EIF2AK3: variants seen among roughly 807,000 people sequenced by gnomAD.
EIF2AK3 encodes eukaryotic translation initiation factor 2 alpha kinase 3.
EIF2AK3 carries 50 observed loss-of-function variants against 113.5 expected under a neutral mutation model. The observed-to-expected ratio is 0.44, with a 90% CI of 0.35 to 0.56. The LOEUF (loss-of-function observed/expected upper bound fraction) is 0.56, where lower values mean the gene tolerates loss of function less well. EIF2AK3 is among the 20% of genes least tolerant of loss of function. The pLI is 0.00. For synonymous variants in EIF2AK3, 448 were observed against 495.4 expected, an observed-to-expected ratio of 0.90 and a Z score of 1.27; for missense variants, 1,185 against 1,378.0, an observed-to-expected ratio of 0.86 and a Z score of 2.22.
chr2:88,568,907 T>C (rs1431761840), intron 14 of EIF2AK3, among the ~76,000 whole-genome samples: 1 of 152,308 alleles, frequency 6.6e-6, no homozygotes, highest in East Asian at 1.9e-4. Flanking sequence ...AGTTTTTTTT[T>C]CGAGATGGAG....
At chr2:88,584,129 C>T (rs1370230910) in intron 9 of EIF2AK3, among the ~76,000 whole-genome samples, 1 of 152,142 alleles carries the variant, frequency 6.6e-6, no homozygotes, top group Non-Finnish European at 1.5e-5. Context: ...ATTCTTTCAA[C>T]AAATCTTTAC....
Position 88,613,799 on chromosome 2 carries a change from T to C in EIF2AK3, c.363A>G (p.Glu121=). The change falls in exon 2 of 17, where the codon GAA becomes GAG. Residue 121 remains glutamate, a synonymous_variant. Coordinates refer to ENST00000303236, the MANE Select transcript of EIF2AK3 (RefSeq NM_004836.7). ...LDGRIAALDP[E]NHGKKQWDLD... ...AATCCCACTGCTTTTTACCATGATT[T>C]TCAGGATCCAAGGCAGCAATTCTCC... 1 of 1,614,060 alleles carries C rather than the reference T, an allele frequency of 6.2e-7. No homozygotes were observed. The highest frequency in any genetic ancestry group is 2.2e-5 in the East Asian group (1 of 44,882).
intron 1 of EIF2AK3, among the ~76,000 whole-genome samples, chr2:88,621,163 T>C (rs1675712418): frequency 6.6e-6 from 1 of 152,244 alleles, no homozygotes; most frequent in Admixed American, 6.5e-5. Context: ...CTCATAGATG[T>C]CGTTCATCCT....
At chr2:88,561,263 C>CTTT (rs755832317) in intron 15 of EIF2AK3, among the ~76,000 whole-genome samples, 1 of 137,062 alleles carries the variant, frequency 7.3e-6, no homozygotes. Flanking sequence ...CAGAGGGCTA[C>CTTT]TTTTTTTTTT....
At chr2:88,624,348 C>T (rs991492999) in intron 1 of EIF2AK3, among the ~76,000 whole-genome samples, 1 of 152,102 alleles carries the variant, frequency 6.6e-6, no homozygotes, top group Non-Finnish European at 1.5e-5. Flanking sequence ...TAAGTAAGTT[C>T]GGAGGTTCCT....
chr2:88,623,786 T>C (rs1251460327), intron 1 of EIF2AK3, among the ~76,000 whole-genome samples: 1 of 152,204 alleles, frequency 6.6e-6, no homozygotes, highest in Non-Finnish European at 1.5e-5. Context: ...TCTCAAACAT[T>C]CCACACTATC....
intron 2 of EIF2AK3, among the ~76,000 whole-genome samples, chr2:88,607,604 G>C (rs1288357269): frequency 6.6e-6 from 1 of 152,168 alleles, no homozygotes; most frequent in Non-Finnish European, 1.5e-5. Flanking sequence ...TAGTGGAACT[G>C]TCAATTTCCC....
intron 12 of EIF2AK3, among the ~76,000 whole-genome samples, chr2:88,576,224 G>C (rs563181598): frequency 6.6e-6 from 1 of 152,248 alleles, no homozygotes; most frequent in African/African-American, 2.4e-5. Context: ...CTATCAACTA[G>C]TAATTTTTTA....
At chr2:88,599,652 CAG>C (rs1675104327) in intron 2 of EIF2AK3, among the ~76,000 whole-genome samples, 1 of 152,098 alleles carries the variant, frequency 6.6e-6, no homozygotes, top group East Asian at 1.9e-4. Flanking sequence ...AAAGTATAAA[CAG>C]AGAAAGCAGG....
chr2:88,566,430 C>T (rs193176366), intron 14 of EIF2AK3, among the ~76,000 whole-genome samples: 110 of 152,290 alleles, frequency 7.2e-4, no homozygotes, highest in African/African-American at 2.5e-3. Flanking sequence ...TAGGCTCAAG[C>T]CACAGTGCCC....
At chr2:88,559,164 C>T (rs1330919718) in intron 15 of EIF2AK3, among the ~76,000 whole-genome samples, 185 bp from the exon 16 acceptor site, 1 of 152,118 alleles carries the variant, frequency 6.6e-6, no homozygotes, top group Admixed American at 6.5e-5. Flanking sequence ...CATCAAATAT[C>T]CTCAAAATAT....
At chr2:88,592,223 T>C (rs1169303860) in intron 4 of EIF2AK3, among the ~76,000 whole-genome samples, 2 of 152,154 alleles carry the variant, frequency 1.3e-5, no homozygotes, top group African/African-American at 2.4e-5. Context: ...TATTTAAATA[T>C]AAAAATTACA....
At chr2:88,593,577 A>AT (rs1674938002) in intron 3 of EIF2AK3, among the ~76,000 whole-genome samples, 172 bp from the exon 4 acceptor site, 1 of 152,218 alleles carries the variant, frequency 6.6e-6, no homozygotes, top group South Asian at 2.1e-4. Context: ...AAAATGAGTT[A>AT]TTTAGAACAA....
intron 15 of EIF2AK3, among the ~76,000 whole-genome samples, chr2:88,559,725 G>T (rs573892958): frequency 2.0e-5 from 3 of 152,102 alleles, no homozygotes; most frequent in Non-Finnish European, 4.4e-5. Context: ...GTGGACTTTT[G>T]TGTCTGGCTT....
rs138784893 is a variant in EIF2AK3 at position 88,606,606 on chromosome 2, A to C, written c.438+7118T>G. On this transcript the variant is annotated intron_variant, in intron 2 of 16. Transcript: ENST00000303236. ...GCGTGCAAATGAAAAACTGCAAAAC[A>C]ACTTGGACAGCTTTCAGTAAAAGTA... Among the ~76,000 whole-genome samples, 99 of 152,340 alleles carry C rather than the reference A, an allele frequency of 6.5e-4. 1 individual carries two copies. In the East Asian group the frequency reaches 0.019, roughly 29 times the overall value.
chr2:88,625,838 TA>T (rs1227954445), intron 1 of EIF2AK3, among the ~76,000 whole-genome samples: 12 of 152,050 alleles, frequency 7.9e-5, no homozygotes, highest in South Asian at 2.1e-4. Flanking sequence ...AACTTTGTTT[TA>T]TATATATATA....
intron 4 of EIF2AK3, among the ~76,000 whole-genome samples, chr2:88,591,673 T>A (rs1307776643): frequency 6.6e-6 from 1 of 152,172 alleles, no homozygotes; most frequent in East Asian, 1.9e-4. Context: ...TCCTCTATAA[T>A]TAGTAAATAG....
chr2:88,582,217 G>A (rs1043296677), intron 10 of EIF2AK3, among the ~76,000 whole-genome samples: 1 of 152,172 alleles, frequency 6.6e-6, no homozygotes, highest in African/African-American at 2.4e-5. Context: ...TACTGTGCTG[G>A]CTGGATGACT....
At chr2:88,590,787 C>T (rs775849616) in intron 5 of EIF2AK3, 31 bp downstream of exon 5, 46 of 1,610,016 alleles carry the variant, frequency 2.9e-5, no homozygotes, top group Admixed American at 2.5e-4. Context: ...GAGGAAGAAC[C>T]GTATTTTAAA....
Sources: gnomAD v4.1 joint callset for allele counts (sites outside exome capture counted in the v4.1 genomes callset) on GRCh38, gnomAD v4.1.1 for gene constraint, MANE v1.5 for transcripts, NCBI Gene and HGNC (gene_info 2026-07-23, HGNC 2026-07-21) for gene names.